RAD18: variants seen among roughly 807,000 people sequenced by gnomAD.
RAD18 encodes the protein E3 ubiquitin-protein ligase RAD18.
RAD18 carries 47 observed loss-of-function variants against 60.4 expected under a neutral mutation model. That is an observed-to-expected ratio of 0.78 (90% CI 0.62 to 0.99). The LOEUF (loss-of-function observed/expected upper bound fraction) is 0.99, where lower values mean the gene tolerates loss of function less well. Among genes scored for constraint, RAD18 ranks in the 50% least tolerant of loss-of-function variants. The pLI is 0.00. For missense variants in RAD18, 640 were observed against 593.3 expected, an observed-to-expected ratio of 1.08 and a Z score of -0.82; for synonymous variants, 225 against 195.5, an observed-to-expected ratio of 1.15 and a Z score of -1.26.
At chr3:8,910,860 C>T (rs1940094580) in intron 9 of RAD18, among the ~76,000 whole-genome samples, 1 of 152,056 alleles carries the variant, frequency 6.6e-6, no homozygotes, top group Non-Finnish European at 1.5e-5. Context: ...AGAAAAAATA[C>T]TTTTTTATAA....
chr3:8,919,313 A>G (rs9854056), intron 7 of RAD18, among the ~76,000 whole-genome samples: 11,780 of 152,174 alleles, frequency 0.077, 1,457 homozygotes, highest in African/African-American at 0.26. Context: ...TATAAAAAAT[A>G]CTCAGAATAC....
intron 12 of RAD18, among the ~76,000 whole-genome samples, chr3:8,888,762 A>G (rs1354835472): frequency 1.3e-5 from 2 of 152,226 alleles, no homozygotes; most frequent in Admixed American, 6.5e-5. Flanking sequence ...TTCCTTCTCT[A>G]TAAAACAAAT....
intron 7 of RAD18, 69 bp downstream of exon 7, chr3:8,935,802 A>G: frequency 1.8e-5 from 23 of 1,311,676 alleles, no homozygotes; most frequent in Non-Finnish European, 2.4e-5. Context: ...TCTATGGTTT[A>G]TAATTTCTGA....
intron 1 of RAD18, 39 bp downstream of exon 1, chr3:8,963,296 C>G (rs917933087): frequency 6.3e-7 from 1 of 1,576,880 alleles, no homozygotes; most frequent in African/African-American, 1.4e-5. Context: ...CCTCCCCCCG[C>G]AGACACCCGG....
At chr3:8,905,571 CCAT>C (rs1401769807) in intron 9 of RAD18, among the ~76,000 whole-genome samples, 1 of 152,198 alleles carries the variant, frequency 6.6e-6, no homozygotes, top group Admixed American at 6.5e-5. Context: ...ATTTCTTTCA[CCAT>C]CATATCACCT....
chr3:8,929,045 C>CT (rs1353991691), intron 7 of RAD18, among the ~76,000 whole-genome samples: 1 of 152,178 alleles, frequency 6.6e-6, no homozygotes, highest in African/African-American at 2.4e-5. Context: ...AATATTTTAA[C>CT]TGGATGGGAA....
At chr3:8,951,698 T>A (rs1159331529) in intron 2 of RAD18, among the ~76,000 whole-genome samples, 2 of 152,230 alleles carry the variant, frequency 1.3e-5, no homozygotes, top group African/African-American at 4.8e-5. Flanking sequence ...CGCTTATGAA[T>A]GCTTATGCAT....
At chr3:8,891,246 G>A (rs937052872) in intron 11 of RAD18, among the ~76,000 whole-genome samples, 5 of 151,974 alleles carry the variant, frequency 3.3e-5, no homozygotes, top group African/African-American at 1.2e-4. Context: ...TAGTTCTGGG[G>A]CCTGGCAGGG....
chr3:8,902,565 T>C (rs1939932627), intron 9 of RAD18, 45 bp from the exon 10 acceptor site: 1 of 1,536,902 alleles, frequency 6.5e-7, no homozygotes, highest in South Asian at 1.2e-5. Flanking sequence ...ACTATGAAAG[T>C]TAACCATCTA....
intron 7 of RAD18, among the ~76,000 whole-genome samples, chr3:8,924,887 A>C (rs1940401491): frequency 6.6e-6 from 1 of 152,050 alleles, no homozygotes; most frequent in South Asian, 2.1e-4. Flanking sequence ...AACATACCAG[A>C]ATCTCTGGGA....
chr3:8,944,542 G>A (rs978922662), intron 4 of RAD18, among the ~76,000 whole-genome samples: 2 of 150,532 alleles, frequency 1.3e-5, no homozygotes, highest in African/African-American at 4.9e-5. Context: ...AGAGGAAAGG[G>A]AGGAAGGGAA....
rs1218864062 is a variant in RAD18 at position 8,878,030 on chromosome 3, C to G, written c.*3327G>C. Reference sequence around the variant, plus strand: ...GCCCTAGCACTTGGCAGGTTTGCATCTTGGGGCTATATCGGGGATGGCGTC... The same window carrying G: ...GCCCTAGCACTTGGCAGGTTTGCATGTTGGGGCTATATCGGGGATGGCGTC... On this transcript the variant is annotated 3_prime_UTR_variant, in exon 13 of 13. Coordinates refer to ENST00000264926, the MANE Select transcript of RAD18 (RefSeq NM_020165.4). The G allele has an allele frequency of 1.3e-5, 2 of 152,414 alleles. No homozygotes were observed. The highest frequency in any genetic ancestry group is 1.3e-4 in the Admixed American group (2 of 15,278). 9.4% of individuals were successfully genotyped at this position (152,414 alleles called of 1,614,324 possible). A position where few individuals can be genotyped will look rare whatever the true frequency, so the allele number is the denominator to read the frequency against.
chr3:8,934,177 A>C (rs1940611348), intron 7 of RAD18, among the ~76,000 whole-genome samples: 2 of 152,206 alleles, frequency 1.3e-5, no homozygotes, highest in Non-Finnish European at 2.9e-5. Flanking sequence ...TTTAGGAGCA[A>C]GAACAATAAA....
intron 12 of RAD18, among the ~76,000 whole-genome samples, chr3:8,882,899 C>T (rs1372788164): frequency 6.6e-6 from 1 of 152,214 alleles, no homozygotes; most frequent in Non-Finnish European, 1.5e-5. Flanking sequence ...CAAACACTAT[C>T]GACCTCAGTC....
chr3:8,881,332 T>G lies in RAD18; in HGVS notation c.*25A>C. On this transcript the variant is annotated 3_prime_UTR_variant, in exon 13 of 13. Coordinates refer to ENST00000264926, the MANE Select transcript of RAD18 (RefSeq NM_020165.4). ...AAAGTACGGTATTCTAATCAATGCA[T>G]TTGAAAAGTCAGCAAAAGCCCACAT... 1 of 1,541,052 alleles carries G rather than the reference T, an allele frequency of 6.5e-7. No homozygotes were observed. Among genetic ancestry groups the G allele is most frequent in the Non-Finnish European group, 8.9e-7 (1 of 1,117,330 alleles).
intron 9 of RAD18, among the ~76,000 whole-genome samples, chr3:8,908,419 T>C (rs1940050060): frequency 6.6e-6 from 1 of 151,704 alleles, no homozygotes; most frequent in Non-Finnish European, 1.5e-5. Flanking sequence ...AAGGGGGAAA[T>C]TTGGACACAG....
At chr3:8,886,103 G>A (rs1044078666) in intron 12 of RAD18, among the ~76,000 whole-genome samples, 1 of 152,208 alleles carries the variant, frequency 6.6e-6, no homozygotes, top group African/African-American at 2.4e-5. Context: ...TTAGCTGCTA[G>A]AGAAAAAGAA....
chr3:8,926,216 T>G (rs1480154423), intron 7 of RAD18, among the ~76,000 whole-genome samples: 2 of 152,172 alleles, frequency 1.3e-5, no homozygotes, highest in African/African-American at 4.8e-5. Context: ...CAGCAAAGAC[T>G]CAGGATACAA....
intron 1 of RAD18, among the ~76,000 whole-genome samples, chr3:8,961,834 G>A (rs1318750697): frequency 6.6e-6 from 1 of 152,128 alleles, no homozygotes; most frequent in Non-Finnish European, 1.5e-5. Context: ...CATGGAACCC[G>A]CCTCTAAAGA....
Sources: allele counts gnomAD v4.1 joint callset (sites outside exome capture counted in the v4.1 genomes callset), GRCh38; gene constraint gnomAD v4.1.1; transcripts MANE v1.5; gene names NCBI Gene and HGNC (gene_info 2026-07-23, HGNC 2026-07-21).